TFB2M: variants seen among roughly 807,000 people sequenced by gnomAD.
The protein encoded by TFB2M is transcription factor B2, mitochondrial, also known as dimethyladenosine transferase 2, mitochondrial.
TFB2M carries 44 observed loss-of-function variants against 41.3 expected under a neutral mutation model. The observed-to-expected ratio is 1.07, with a 90% CI of 0.84 to 1.37. The LOEUF (loss-of-function observed/expected upper bound fraction) is 1.37. TFB2M is among the 40% of genes most tolerant of loss of function. The pLI, the probability that TFB2M is intolerant of heterozygous loss-of-function variation, is 0.00. For synonymous variants in TFB2M, 188 were observed against 176.8 expected (o/e 1.06, Z -0.50); for missense variants, 496 against 490.2 (o/e 1.01, Z -0.11).
At chr1:246,557,976 C>T (rs963941272) in intron 2 of TFB2M, among the ~76,000 whole-genome samples, 9 of 151,854 alleles carry the variant, frequency 5.9e-5, no homozygotes, top group African/African-American at 1.4e-4. Flanking sequence ...GCTGAATTAC[C>T]TTTTTACAAA....
intron 4 of TFB2M, among the ~76,000 whole-genome samples, chr1:246,554,719 C>G (rs1469247549): frequency 1.3e-5 from 2 of 152,008 alleles, no homozygotes; most frequent in Non-Finnish European, 2.9e-5. Context: ...TTGAATCATC[C>G]TGAAACCATC....
intron 4 of TFB2M, among the ~76,000 whole-genome samples, chr1:246,555,233 TG>T (rs1197036817): frequency 1.3e-5 from 2 of 152,168 alleles, no homozygotes; most frequent in African/African-American, 4.8e-5. Context: ...TGTGCACTGC[TG>T]GTAGGAATAT....
At chr1:246,561,280 A>G (rs1485293943) in intron 2 of TFB2M, among the ~76,000 whole-genome samples, 1 of 152,120 alleles carries the variant, frequency 6.6e-6, no homozygotes, top group African/African-American at 2.4e-5. Context: ...GCCTTAATAG[A>G]GAAAAAACTA....
At chr1:246,545,978 A>G (rs1453426144) in intron 6 of TFB2M, among the ~76,000 whole-genome samples, 3 of 152,108 alleles carry the variant, frequency 2.0e-5, no homozygotes, top group African/African-American at 7.2e-5. Flanking sequence ...TTAGGCCAAC[A>G]TCCGAGAAAC....
chr1:246,549,714 T>C (rs1190475212), intron 5 of TFB2M, among the ~76,000 whole-genome samples: 1 of 152,164 alleles, frequency 6.6e-6, no homozygotes, highest in Admixed American at 6.5e-5. Context: ...CTAAACAATA[T>C]TGAACACAAG....
Position 246,544,774 on chromosome 1 carries a change from C to T in TFB2M, c.859-93G>A, listed in dbSNP as rs1658953173. ...TTCCTTCAAGCTATCTGCTGAAAGA[C>T]ACAATCACCACAGGCCCTGAGTGTC... is the stretch of plus-strand genomic sequence containing the variant. On this transcript the variant is annotated intron_variant, in intron 6 of 7. Coordinates refer to ENST00000366514, the MANE Select transcript of TFB2M (RefSeq NM_022366.3). The T allele has an allele frequency of 4.7e-6, 5 of 1,061,092 alleles. 1 individual carries two copies. In the South Asian group the frequency reaches 8.1e-5, roughly 17 times the overall value. 65.7% of individuals were successfully genotyped at this position (1,061,092 alleles called of 1,614,324 possible).
At chr1:246,552,395 G>A (rs551283120) in intron 4 of TFB2M, among the ~76,000 whole-genome samples, 92 of 152,306 alleles carry the variant, frequency 6.0e-4, no homozygotes, top group African/African-American at 2.1e-3. Context: ...TTCCATTACA[G>A]AGAATTGAAC....
rs570439720 is a variant in TFB2M at position 246,566,205 on chromosome 1, G to C, written c.-67C>G. 137 of 1,495,056 alleles carry C rather than the reference G, an allele frequency of 9.2e-5. No individual in the cohort carries two copies. In the South Asian group the frequency reaches 1.5e-3, roughly 17 times the overall value. The allele number at this position is 1,495,056 out of a possible 1,614,324, so 92.6% of individuals were successfully genotyped here. ...GCTACTACAGTGAACCCCACGCAGGGTATCCCACGTGGAACATTTTCTGGC... is the reference window on the plus strand; with the variant it reads ...GCTACTACAGTGAACCCCACGCAGGCTATCCCACGTGGAACATTTTCTGGC... On this transcript the variant is annotated 5_prime_UTR_variant, in exon 1 of 8. The change creates a premature stop within an existing upstream ORF in the 5' untranslated region. Coordinates refer to ENST00000366514, the MANE Select transcript of TFB2M (RefSeq NM_022366.3).
intron 4 of TFB2M, among the ~76,000 whole-genome samples, chr1:246,554,801 C>G (rs3120709): frequency 1 from 151,766 of 152,260 alleles, 75,640 homozygotes; most frequent in Middle Eastern, 1. Context: ...GGGGACCGCC[C>G]AGCTACGTAT....
chr1:246,563,205 T>C lies in TFB2M; in HGVS notation c.402+1141A>G, dbSNP rs1348932242. Reference sequence around the variant, plus strand: ...CTGCTTAGTTTCTCTGAACACACTTTTTTTTTTTTTTTTTACTGTACTAAT... The same window carrying C: ...CTGCTTAGTTTCTCTGAACACACTTCTTTTTTTTTTTTTTACTGTACTAAT... On this transcript the variant is annotated intron_variant, in intron 2 of 7. Transcript: ENST00000366514. 2.2e-4 allele frequency among the ~76,000 whole-genome samples: 19 copies of C among 86,066 alleles called. 1 individual carries two copies. In the South Asian group the frequency reaches 5.6e-3, roughly 26 times the overall value. The allele number at this position is 86,066 out of a possible 152,430, so 56.5% of individuals were successfully genotyped here. A position where few individuals can be genotyped will look rare whatever the true frequency, so the allele number is the denominator to read the frequency against.
At chr1:246,551,036 A>G (rs1659162977) in intron 5 of TFB2M, among the ~76,000 whole-genome samples, 177 bp downstream of exon 5, 1 of 152,030 alleles carries the variant, frequency 6.6e-6, no homozygotes, top group Non-Finnish European at 1.5e-5. Context: ...TTAGCCAGGC[A>G]TGGTGGCGCC....
In TFB2M at chr1:246,540,882, T is replaced by C. The variant is rs1658833658; in HGVS notation, c.*149A>G. ...GACACTGTTTCATCCAATAAGCCAA[T>C]GATATCAGCTTAGGAGAAATGATCT... On this transcript the variant is annotated 3_prime_UTR_variant, in exon 8 of 8. Transcript: ENST00000366514. The C allele has an allele frequency of 1.7e-6, 1 of 600,166 alleles. No homozygotes were observed. Among genetic ancestry groups the C allele is most frequent in the Non-Finnish European group, 2.8e-6 (1 of 362,494 alleles). 37.2% of individuals were successfully genotyped at this position (600,166 alleles called of 1,614,324 possible).
intron 5 of TFB2M, among the ~76,000 whole-genome samples, chr1:246,550,910 C>G (rs905175448): frequency 6.6e-6 from 1 of 152,166 alleles, no homozygotes; most frequent in Non-Finnish European, 1.5e-5. Context: ...AAAAATAGAG[C>G]CAGGTGCAGT....
chr1:246,561,223 A>T (rs1316533445), intron 2 of TFB2M, among the ~76,000 whole-genome samples: 1 of 152,242 alleles, frequency 6.6e-6, no homozygotes, highest in East Asian at 1.9e-4. Context: ...AAGTGAGAGA[A>T]TATGTACTAA....
intron 5 of TFB2M, among the ~76,000 whole-genome samples, chr1:246,550,243 G>A (rs1423088475): frequency 6.6e-6 from 1 of 152,180 alleles, no homozygotes; most frequent in Non-Finnish European, 1.5e-5. Context: ...AGTGGGTAAG[G>A]AAGAATTTTA....
In TFB2M at chr1:246,541,021, A is replaced by G; in HGVS notation, c.*10T>C. On this transcript the variant is annotated 3_prime_UTR_variant, in exon 8 of 8. Transcript: ENST00000366514. ...AATGAACCGCTCCACCAAAAACGAC[A>G]GTCTAGTTGCTACCTATCTTCCAGG... is the stretch of plus-strand genomic sequence containing the variant. The G allele has an allele frequency of 6.3e-7, 1 of 1,584,808 alleles. No homozygotes were observed. Among genetic ancestry groups the G allele is most frequent in the Middle Eastern group, 1.7e-4 (1 of 5,766 alleles).
chr1:246,557,679 G>GTTTTT, intron 2 of TFB2M, 145 bp from the exon 3 acceptor site: 1 of 783,746 alleles, frequency 1.3e-6, no homozygotes, highest in Non-Finnish European at 1.9e-6. Context: ...GTTTTGTTTT[G>GTTTTT]TTTTGTTTTT....
At chr1:246,554,379 G>A (rs946346029) in intron 4 of TFB2M, among the ~76,000 whole-genome samples, 2 of 152,132 alleles carry the variant, frequency 1.3e-5, no homozygotes, top group Non-Finnish European at 1.5e-5. Flanking sequence ...GTGAACAGGC[G>A]AGGCGTCATC....
chr1:246,557,728 A>G (rs2102989333), intron 2 of TFB2M, among the ~76,000 whole-genome samples, 194 bp from the exon 3 acceptor site: 1 of 152,286 alleles, frequency 6.6e-6, no homozygotes, highest in South Asian at 2.1e-4. Flanking sequence ...GCTGGAGTGC[A>G]GTGGCGCCAT....
Sources: allele counts gnomAD v4.1 joint callset (sites outside exome capture counted in the v4.1 genomes callset), GRCh38; gene constraint gnomAD v4.1.1; transcripts MANE v1.5; gene names NCBI Gene and HGNC (gene_info 2026-07-23, HGNC 2026-07-21).